Variants in STMP1 observed in about 807,000 individuals in gnomAD.
STMP1 encodes mitolamban.
In STMP1, 7 loss-of-function variants were observed where a neutral mutation model predicts 7.0. The ratio of observed to expected loss-of-function variants is 1.01; its 90% confidence interval spans 0.57 to 1.89. The LOEUF is 1.89. Ranked by LOEUF, STMP1 falls within the 40% of genes most tolerant of loss-of-function variation. The pLI is 0.00. For missense variants in STMP1, 45 were observed against 53.0 expected (o/e 0.85, Z 0.47); for synonymous variants, 19 against 18.4 (o/e 1.03, Z -0.08).
intron 1 of STMP1, among the ~76,000 whole-genome samples, chr7:135,665,442 T>C (rs1031319154): frequency 2.0e-5 from 3 of 152,148 alleles, no homozygotes; most frequent in South Asian, 2.1e-4. Context: ...CTGCAGTTTT[T>C]CCCCTTTATT....
At chr7:135,673,813 C>T (rs762691087) in intron 2 of STMP1, among the ~76,000 whole-genome samples, 111 of 152,108 alleles carry the variant, frequency 7.3e-4, no homozygotes, top group African/African-American at 2.6e-3. Context: ...GTGGCATGTC[C>T]GTGGTCCCAA....
chr7:135,665,641 C>T (rs1426956920), intron 1 of STMP1: 1 of 150,854 alleles, frequency 6.6e-6, no homozygotes, highest in Non-Finnish European at 1.5e-5. Context: ...CGTCTTTGCG[C>T]AGGGGCCATT....
intron 1 of STMP1, 24 bp from the exon 2 acceptor site, chr7:135,672,729 A>G (rs557416759): frequency 6.5e-7 from 1 of 1,539,840 alleles, no homozygotes; most frequent in African/African-American, 1.4e-5. Flanking sequence ...ATGCACTATA[A>G]CTCTTACTGT....
chr7:135,669,582 G>GT (rs1795336957), intron 1 of STMP1, among the ~76,000 whole-genome samples: 1 of 152,172 alleles, frequency 6.6e-6, no homozygotes, highest in African/African-American at 2.4e-5. Flanking sequence ...TTTAGGGGCC[G>GT]TATGTATTTG....
At chr7:135,662,667 T>C in intron 1 of STMP1, 73 bp downstream of exon 1, 1 of 1,502,746 alleles carries the variant, frequency 6.7e-7, no homozygotes, top group Admixed American at 2.1e-5. Context: ...CCTTGAGGAT[T>C]GCCGACCCCG....
intron 1 of STMP1, among the ~76,000 whole-genome samples, chr7:135,663,201 A>G (rs1251978955): frequency 6.6e-6 from 1 of 152,224 alleles, no homozygotes; most frequent in Non-Finnish European, 1.5e-5. Flanking sequence ...ATTTGAGTTA[A>G]AAACGAGTTT....
chr7:135,663,903 C>T (rs1225676230), intron 1 of STMP1, among the ~76,000 whole-genome samples: 6 of 151,350 alleles, frequency 4.0e-5, no homozygotes, highest in African/African-American at 1.5e-4. Context: ...CTCAGCCTCC[C>T]AAAGTGCTGG....
At chr7:135,669,490 C>T (rs73721677) in intron 1 of STMP1, among the ~76,000 whole-genome samples, 1 of 152,034 alleles carries the variant, frequency 6.6e-6, no homozygotes, top group African/African-American at 2.4e-5. Flanking sequence ...TCTCTAAGGG[C>T]AGAGATCATT....
chr7:135,671,665 A>G (rs140525429), intron 1 of STMP1, among the ~76,000 whole-genome samples: 15 of 152,292 alleles, frequency 9.8e-5, no homozygotes, highest in African/African-American at 3.4e-4. Context: ...AAAGTTTTCT[A>G]AAAATTGCAC....
At chr7:135,665,973 C>T (rs1486377450) in intron 1 of STMP1, among the ~76,000 whole-genome samples, 1 of 151,530 alleles carries the variant, frequency 6.6e-6, no homozygotes, top group African/African-American at 2.4e-5. Flanking sequence ...GCCATCTTGG[C>T]TCACTGCACC....
chr7:135,666,190 C>G (rs1402916690), intron 1 of STMP1, among the ~76,000 whole-genome samples: 1 of 152,170 alleles, frequency 6.6e-6, no homozygotes, highest in East Asian at 1.9e-4. Flanking sequence ...ACCTCGGTCT[C>G]CCAAAGTGCT....
chr7:135,670,750 C>T (rs1003926585), intron 1 of STMP1, among the ~76,000 whole-genome samples: 4 of 150,492 alleles, frequency 2.7e-5, no homozygotes, highest in African/African-American at 1.0e-4. Context: ...GGCAAAGTTG[C>T]CAAAATGAAG....
chr7:135,672,929 T>G, intron 2 of STMP1, 123 bp downstream of exon 2: 1 of 754,164 alleles, frequency 1.3e-6, no homozygotes, highest in South Asian at 1.7e-5. Context: ...GCAAAACTCC[T>G]GAATATTGTA....
intron 1 of STMP1, among the ~76,000 whole-genome samples, chr7:135,671,703 G>A (rs576837592): frequency 1.3e-5 from 2 of 152,044 alleles, no homozygotes; most frequent in African/African-American, 4.8e-5. Context: ...GTTTCCCACC[G>A]GCCTTAAATG....
chr7:135,674,842 G>A lies in STMP1; in HGVS notation c.*677G>A, dbSNP rs1266120264. 6.6e-6 allele frequency: 1 copy of A among 152,146 alleles called. No individual in the cohort carries two copies. Among genetic ancestry groups the A allele is most frequent in the Non-Finnish European group, 1.5e-5 (1 of 68,018 alleles). 9.4% of individuals were successfully genotyped at this position (152,146 alleles called of 1,614,324 possible). ...AGTGTGCATGTTTTTCCTTAATGAT[G>A]TATTTGATCTGACTTTTTTCCTTCT... On this transcript the variant is annotated 3_prime_UTR_variant, in exon 3 of 3. Coordinates refer to ENST00000507606, the MANE Select transcript of STMP1 (RefSeq NM_001130929.2).
At position 135,674,391 on chromosome 7, in the gene STMP1, A is replaced by T. The variant is rs988526732; in HGVS notation, c.*226A>T. On this transcript the variant is annotated 3_prime_UTR_variant, in exon 3 of 3. Coordinates refer to ENST00000507606, the MANE Select transcript of STMP1 (RefSeq NM_001130929.2). ...CTTCCCATAATCCCTTTCCAACTGC[A>T]TGGGAGGTTCTAAGACTGGAATTAT... 2.4e-5 allele frequency: 11 copies of T among 465,996 alleles called. No homozygotes were observed. In the South Asian group the frequency reaches 3.1e-4, roughly 13 times the overall value. 28.9% of individuals were successfully genotyped at this position (465,996 alleles called of 1,614,324 possible).
At position 135,669,904 on chromosome 7, in the gene STMP1, T is replaced by G. The variant is rs188898879; in HGVS notation, c.16-2849T>G. On this transcript the variant is annotated intron_variant, in intron 1 of 2. Coordinates refer to ENST00000507606, the MANE Select transcript of STMP1 (RefSeq NM_001130929.2). Reference sequence around the variant, plus strand: ...GAAATGTAGTTTGGATTGAGTTGGGTTTCAGAATTGTGGATAATGGATTGT... The same window carrying G: ...GAAATGTAGTTTGGATTGAGTTGGGGTTCAGAATTGTGGATAATGGATTGT... Among the ~76,000 whole-genome samples the G allele has an allele frequency of 5.9e-5, 9 of 152,342 alleles. No homozygotes were observed. The East Asian group carries it at 1.7e-3, about 29-fold the overall frequency.
chr7:135,672,908 A>G (rs1190429229), intron 2 of STMP1, 102 bp downstream of exon 2: 12 of 955,690 alleles, frequency 1.3e-5, no homozygotes, highest in African/African-American at 3.3e-5. Flanking sequence ...AATGTAGTCC[A>G]TATGGCTGAG....
chr7:135,668,873 C>G (rs557473021), intron 1 of STMP1, among the ~76,000 whole-genome samples: 1 of 152,216 alleles, frequency 6.6e-6, no homozygotes, highest in Non-Finnish European at 1.5e-5. Flanking sequence ...CAGTTTTCTT[C>G]GCATTTCCTT....
Sources: gnomAD v4.1 joint callset for allele counts (sites outside exome capture counted in the v4.1 genomes callset) on GRCh38, gnomAD v4.1.1 for gene constraint, MANE v1.5 for transcripts, NCBI Gene and HGNC (gene_info 2026-07-23, HGNC 2026-07-21) for gene names.